Variants in TRAK1 observed in about 807,000 individuals in gnomAD.
TRAK1 encodes the protein trafficking kinesin-binding protein 1.
TRAK1 carries 33 observed loss-of-function variants against 92.1 expected under a neutral mutation model. The ratio of observed to expected loss-of-function variants is 0.36; its 90% CI spans 0.27 to 0.48. The LOEUF (loss-of-function observed/expected upper bound fraction) is 0.48. Among genes scored for constraint, TRAK1 ranks in the 20% least tolerant of loss-of-function variants. TRAK1 has a pLI of 0.99. For missense variants in TRAK1, 1,123 were observed against 1,257.9 expected, an observed-to-expected ratio of 0.89 and a Z score of 1.62; for synonymous variants, 521 against 517.3, an observed-to-expected ratio of 1.01 and a Z score of -0.10.
At chr3:42,064,088 C>T (rs1234470249) in intron 1 of TRAK1, among the ~76,000 whole-genome samples, 2 of 152,194 alleles carry the variant, frequency 1.3e-5, no homozygotes, top group Non-Finnish European at 2.9e-5. Context: ...ATTTTACATG[C>T]CCAGCCCTTA....
At chr3:42,183,736 G>A (rs1460283780) in intron 3 of TRAK1, among the ~76,000 whole-genome samples, 1 of 152,058 alleles carries the variant, frequency 6.6e-6, no homozygotes, top group Non-Finnish European at 1.5e-5. Flanking sequence ...TTTCAAACCA[G>A]ATGAGCAGAG....
At chr3:42,179,078 A>G (rs550541963) in intron 3 of TRAK1, among the ~76,000 whole-genome samples, 88 of 152,338 alleles carry the variant, frequency 5.8e-4, no homozygotes, top group African/African-American at 1.9e-3. Context: ...TTGACCTCCC[A>G]AAGTGCTGGG....
At chr3:42,032,210 G>C (rs1037945974) in intron 1 of TRAK1, among the ~76,000 whole-genome samples, 3 of 152,234 alleles carry the variant, frequency 2.0e-5, no homozygotes, top group African/African-American at 7.2e-5. Flanking sequence ...TTTGAGGACA[G>C]AAAATCATGC....
At chr3:42,105,218 T>G (rs1707363228) in intron 1 of TRAK1, among the ~76,000 whole-genome samples, 1 of 151,918 alleles carries the variant, frequency 6.6e-6, no homozygotes, top group South Asian at 2.1e-4. Context: ...CCTCCCAAAG[T>G]GCTGGGATTA....
chr3:42,040,706 T>G (rs1702504932), intron 1 of TRAK1, among the ~76,000 whole-genome samples: 1 of 150,206 alleles, frequency 6.7e-6, no homozygotes, highest in African/African-American at 2.5e-5. Context: ...AGACGGAGTC[T>G]CACTCTGTCA....
At chr3:42,088,053 T>C (rs557307700), upstream of TRAK1, among the ~76,000 whole-genome samples, 1 of 152,368 alleles carries the variant, frequency 6.6e-6, no homozygotes, top group South Asian at 2.1e-4. Flanking sequence ...TAGGATGGTG[T>C]GCATAACAGC....
chr3:42,085,253 C>T (rs140791281), upstream of TRAK1, among the ~76,000 whole-genome samples: 1,091 of 152,196 alleles, frequency 7.2e-3, 53 homozygotes, highest in East Asian at 0.13. Context: ...CTGCAAGCCC[C>T]GCCTCCCAGT....
Position 42,208,104 on chromosome 3 carries a change from T to C in TRAK1, c.1745-1663T>C, listed in dbSNP as rs115642644. Among the ~76,000 whole-genome samples the C allele has an allele frequency of 2.6e-3, 390 of 152,322 alleles. 3 individuals carry two copies. Among genetic ancestry groups the C allele is most frequent in the Non-Finnish European group, 3.9e-3 (266 of 68,036 alleles). ...TGAGAACACCGCTCTAGATGCATCT[T>C]AGCACCTAGTGAGAGAACGGATATG... On this transcript the variant is annotated intron_variant, in intron 13 of 15. Transcript: ENST00000327628.
At chr3:42,023,790 A>G (rs2683701) in intron 1 of TRAK1, among the ~76,000 whole-genome samples, 6 of 111,990 alleles carry the variant, frequency 5.4e-5, no homozygotes, top group South Asian at 5.6e-4. Context: ...ATCTCACTCT[A>G]TTGTCCAGGC....
chr3:42,143,390 C>T (rs758357801), intron 2 of TRAK1, among the ~76,000 whole-genome samples: 16 of 149,640 alleles, frequency 1.1e-4, no homozygotes, highest in Non-Finnish European at 1.9e-4. Context: ...GTGGAAAAGG[C>T]TTAGGACGGG....
At chr3:42,133,545 C>T (rs1255949031) in intron 2 of TRAK1, among the ~76,000 whole-genome samples, 5 of 152,184 alleles carry the variant, frequency 3.3e-5, no homozygotes, top group Non-Finnish European at 7.3e-5. Context: ...TGGTTCTCAA[C>T]AGAAGTGTGC....
intron 4 of TRAK1, among the ~76,000 whole-genome samples, chr3:42,186,445 G>A (rs1302771348): frequency 6.6e-6 from 1 of 152,214 alleles, no homozygotes; most frequent in African/African-American, 2.4e-5. Context: ...TCGCCACTAT[G>A]TAAGAAAAGT....
chr3:42,068,196 C>T (rs776825574), intron 1 of TRAK1, among the ~76,000 whole-genome samples: 1 of 152,128 alleles, frequency 6.6e-6, no homozygotes, highest in Non-Finnish European at 1.5e-5. Flanking sequence ...TACTCTGCCA[C>T]CCAGGCTGGA....
rs1203693002 is a variant in TRAK1 at position 42,189,002 on chromosome 3, A to T, written c.582-14A>T. 1 of 1,591,084 alleles carries T rather than the reference A, an allele frequency of 6.3e-7. No individual in the cohort carries two copies. The highest frequency in any genetic ancestry group is 2.2e-5 in the East Asian group (1 of 44,776). ...ATGCGTCTCCCTAGGTTGTGAGCGT[A>T]CTTTCTCCCCCAGGTTGAAGAGGAA... On this transcript the variant is annotated splice_polypyrimidine_tract_variant and intron_variant, in intron 5 of 15. Coordinates refer to ENST00000327628, the MANE Select transcript of TRAK1 (RefSeq NM_001042646.3).
chr3:42,138,704 T>C lies in TRAK1; in HGVS notation c.286+13090T>C, dbSNP rs1179076190. ...GAGTTCGAGACCAGCCTGGGGAACA[T>C]GGTGAGGCTCCATATCTATTAAAAA... On this transcript the variant is annotated intron_variant, in intron 2 of 15. Coordinates refer to ENST00000327628, the MANE Select transcript of TRAK1 (RefSeq NM_001042646.3). 3.5e-5 allele frequency among the ~76,000 whole-genome samples: 5 copies of C among 142,510 alleles called. No individual in the cohort carries two copies. The East Asian group carries it at 1.0e-3, about 29-fold the overall frequency. The allele number at this position is 142,510 out of a possible 152,430, so 93.5% of individuals were successfully genotyped here. A position where few individuals can be genotyped will look rare whatever the true frequency, so the allele number is the denominator to read the frequency against.
At chr3:42,208,846 A>G (rs1156526010) in intron 13 of TRAK1, among the ~76,000 whole-genome samples, 1 of 152,226 alleles carries the variant, frequency 6.6e-6, no homozygotes, top group Non-Finnish European at 1.5e-5. Flanking sequence ...CAAGGGTAAA[A>G]TGGGTTGCTC....
intron 2 of TRAK1, among the ~76,000 whole-genome samples, chr3:42,157,489 A>AAAG (rs1553739632): frequency 5.5e-5 from 8 of 144,724 alleles, no homozygotes; most frequent in Non-Finnish European, 1.1e-4. Context: ...AAAAAAAAAA[A>AAAG]GGTTAACATT....
At chr3:42,071,180 G>C (rs774361753) in intron 1 of TRAK1, among the ~76,000 whole-genome samples, 12 of 152,176 alleles carry the variant, frequency 7.9e-5, no homozygotes, top group Non-Finnish European at 1.6e-4. Context: ...TTCCTCCTAC[G>C]GAGTGAGTGC....
At chr3:42,190,343 C>G (rs181790206) in intron 6 of TRAK1, among the ~76,000 whole-genome samples, 1 of 152,252 alleles carries the variant, frequency 6.6e-6, no homozygotes, top group Admixed American at 6.5e-5. Context: ...TTGCCCACAC[C>G]TTGGTAAGAT....
Sources: gnomAD v4.1 joint callset for allele counts (sites outside exome capture counted in the v4.1 genomes callset) on GRCh38, gnomAD v4.1.1 for gene constraint, MANE v1.5 for transcripts, NCBI Gene and HGNC (gene_info 2026-07-23, HGNC 2026-07-21) for gene names.